Variants in SPIN1 observed in about 807,000 individuals in gnomAD.
SPIN1 encodes the protein spindlin-1.
SPIN1 carries 3 observed loss-of-function variants against 26.0 expected under a neutral mutation model. The ratio of observed to expected loss-of-function variants is 0.12; its 90% CI spans 0.05 to 0.30. The LOEUF is 0.30. SPIN1 is among the 10% of genes least tolerant of loss of function. SPIN1 has a pLI of 1.00. For missense variants in SPIN1, 126 were observed against 333.4 expected, an observed-to-expected ratio of 0.38 and a Z score of 4.84; for synonymous variants, 101 against 116.5, an observed-to-expected ratio of 0.87 and a Z score of 0.86.
chr9:88,432,735 C>G (rs576327041), intron 2 of SPIN1, among the ~76,000 whole-genome samples: 8 of 152,026 alleles, frequency 5.3e-5, no homozygotes, highest in Non-Finnish European at 1.0e-4. Flanking sequence ...GATCTGCCTG[C>G]CTTGACCTTC....
At chr9:88,459,741 G>T (rs538197806) in intron 3 of SPIN1, among the ~76,000 whole-genome samples, 5 of 152,276 alleles carry the variant, frequency 3.3e-5, no homozygotes, top group African/African-American at 1.2e-4. Flanking sequence ...TTCTCTGTGA[G>T]TTCCTTGATT....
At chr9:88,411,060 C>A in intron 1 of SPIN1, 1 of 1,583,084 alleles carries the variant, frequency 6.3e-7, no homozygotes, top group Non-Finnish European at 8.6e-7. Context: ...GTCATGATTT[C>A]AATCACTTCA....
Position 88,407,283 on chromosome 9 carries a change from G to A in SPIN1, c.-159+18745G>A, listed in dbSNP as rs368619548. Among the ~76,000 whole-genome samples the A allele has an allele frequency of 3.1e-4, 47 of 152,034 alleles. 1 individual carries two copies. The South Asian group carries it at 8.7e-3, about 28-fold the overall frequency. ...TCCCGAATAGCTGGGACTACATACA[G>A]GTGTGCGCCACCATGCTTGGCTAAT... On this transcript the variant is annotated intron_variant, in intron 1 of 5. Coordinates refer to ENST00000375859, the MANE Select transcript of SPIN1 (RefSeq NM_006717.3).
intron 3 of SPIN1, among the ~76,000 whole-genome samples, chr9:88,452,788 T>C (rs1321498682): frequency 6.6e-6 from 1 of 152,220 alleles, no homozygotes. Flanking sequence ...TTTCTCTCTT[T>C]CTGGTTTGCA....
intron 3 of SPIN1, among the ~76,000 whole-genome samples, chr9:88,454,230 TAA>T (rs1356634310): frequency 6.6e-6 from 1 of 152,176 alleles, no homozygotes; most frequent in East Asian, 1.9e-4. Context: ...CAAGAAAATA[TAA>T]GAGATTGAAG....
intron 3 of SPIN1, among the ~76,000 whole-genome samples, chr9:88,456,688 T>G (rs1407619843): frequency 6.6e-6 from 1 of 152,150 alleles, no homozygotes; most frequent in African/African-American, 2.4e-5. Flanking sequence ...ACATTGTATC[T>G]ACAAATGCCA....
intron 3 of SPIN1, among the ~76,000 whole-genome samples, chr9:88,452,177 T>C (rs944128078): frequency 1.3e-5 from 2 of 152,214 alleles, no homozygotes; most frequent in South Asian, 4.1e-4. Flanking sequence ...TTGTCCCTAG[T>C]GTGTTCTCAT....
intron 3 of SPIN1, among the ~76,000 whole-genome samples, chr9:88,454,150 T>G (rs1374798541): frequency 6.6e-6 from 1 of 152,218 alleles, no homozygotes; most frequent in Non-Finnish European, 1.5e-5. Flanking sequence ...GGTATTTGTT[T>G]TACAGTATTG....
intron 1 of SPIN1, among the ~76,000 whole-genome samples, chr9:88,422,350 A>G (rs1288997232): frequency 6.6e-6 from 1 of 152,216 alleles, no homozygotes; most frequent in Non-Finnish European, 1.5e-5. Context: ...GTTTTCATTT[A>G]CAAAGTTAAT....
chr9:88,424,974 T>G (rs947765352), intron 1 of SPIN1, among the ~76,000 whole-genome samples: 1 of 152,192 alleles, frequency 6.6e-6, no homozygotes, highest in Non-Finnish European at 1.5e-5. Flanking sequence ...ATAGCTGTTA[T>G]GACTAGTGTT....
intron 2 of SPIN1, among the ~76,000 whole-genome samples, chr9:88,431,882 C>G (rs891022434): frequency 6.6e-6 from 1 of 151,918 alleles, no homozygotes; most frequent in African/African-American, 2.4e-5. Context: ...GACCCCTTCT[C>G]TACAAAAAAT....
intron 1 of SPIN1, among the ~76,000 whole-genome samples, chr9:88,401,139 A>G (rs1827176856): frequency 6.6e-6 from 1 of 152,226 alleles, no homozygotes; most frequent in Non-Finnish European, 1.5e-5. Flanking sequence ...TTTAAAATGC[A>G]TGTGCTCTGT....
intron 5 of SPIN1, among the ~76,000 whole-genome samples, chr9:88,469,888 G>A (rs569812734): frequency 3.3e-5 from 5 of 152,244 alleles, no homozygotes; most frequent in South Asian, 4.2e-4. Context: ...TTTAATATAC[G>A]CACAGATATG....
At chr9:88,427,653 G>A (rs1437134252) in intron 2 of SPIN1, among the ~76,000 whole-genome samples, 2 of 150,518 alleles carry the variant, frequency 1.3e-5, no homozygotes, top group Admixed American at 6.7e-5. Context: ...TCACCCAGGC[G>A]ATCTTGGCTC....
At chr9:88,425,908 T>G (rs1827756055) in intron 1 of SPIN1, among the ~76,000 whole-genome samples, 1 of 152,168 alleles carries the variant, frequency 6.6e-6, no homozygotes, top group Non-Finnish European at 1.5e-5. Flanking sequence ...CATGATTTCC[T>G]GTGCTGCCCC....
intron 1 of SPIN1, among the ~76,000 whole-genome samples, chr9:88,399,868 C>A (rs1167706218): frequency 6.6e-6 from 1 of 152,110 alleles, no homozygotes; most frequent in Admixed American, 6.6e-5. Context: ...CGTAAGGGAC[C>A]CGAAGGTTTC....
chr9:88,460,496 A>G (rs1416667775), intron 3 of SPIN1, among the ~76,000 whole-genome samples: 1 of 152,090 alleles, frequency 6.6e-6, no homozygotes, highest in Non-Finnish European at 1.5e-5. Flanking sequence ...TATGAAGGAG[A>G]TTTATTATGA....
intron 5 of SPIN1, among the ~76,000 whole-genome samples, chr9:88,469,788 C>T (rs1354357913): frequency 6.6e-6 from 1 of 152,202 alleles, no homozygotes; most frequent in Non-Finnish European, 1.5e-5. Context: ...CAGCCTTGGC[C>T]TCCCACAAGT....
chr9:88,393,036 A>C (rs1233302366), intron 1 of SPIN1, among the ~76,000 whole-genome samples: 1 of 152,018 alleles, frequency 6.6e-6, no homozygotes, highest in African/African-American at 2.4e-5. Flanking sequence ...AGGATCTTTA[A>C]TCTCCAGAGT....
Sources: gnomAD v4.1 joint callset for allele counts (sites outside exome capture counted in the v4.1 genomes callset) on GRCh38, gnomAD v4.1.1 for gene constraint, MANE v1.5 for transcripts, NCBI Gene and HGNC (gene_info 2026-07-23, HGNC 2026-07-21) for gene names.